The following MEI4 variants were observed in gnomAD, a reference collection of about 807,000 sequenced individuals.
MEI4 encodes the protein meiosis-specific protein MEI4.
A neutral mutation model predicts 31.4 loss-of-function variants in MEI4; 27 were observed. The observed-to-expected ratio is 0.86, with a 90% CI of 0.63 to 1.19. The LOEUF (loss-of-function observed/expected upper bound fraction) is 1.19. Among genes scored for constraint, MEI4 ranks in the 50% most tolerant of loss-of-function variants. The probability of loss-of-function intolerance (pLI) is 0.00; values close to 1 mark genes in which losing one functional copy is unlikely to be tolerated. For synonymous variants in MEI4, 122 were observed against 145.4 expected (o/e 0.84, Z 1.16); for missense variants, 329 against 398.9 (o/e 0.82, Z 1.49).
intron 1 of MEI4, among the ~76,000 whole-genome samples, chr6:77,675,079 A>C (rs1229762234): frequency 1.0e-5 from 1 of 95,996 alleles, no homozygotes; most frequent in East Asian, 2.8e-4. Flanking sequence ...CAGTTACGTA[A>C]TTTATCATTT....
At chr6:77,750,670 G>C (rs773896005) in intron 2 of MEI4, among the ~76,000 whole-genome samples, 8 of 152,030 alleles carry the variant, frequency 5.3e-5, no homozygotes, top group Non-Finnish European at 7.4e-5. Flanking sequence ...CAATAATATT[G>C]GGAGACTTCA....
At chr6:77,922,940 T>G in intron 4 of MEI4, 149 bp from the exon 5 acceptor site, 1 of 422,792 alleles carries the variant, frequency 2.4e-6, no homozygotes, top group Non-Finnish European at 4.0e-6. Context: ...TGTTTTTTAT[T>G]TCCCCCTTGT....
In MEI4 at chr6:77,923,710, G is replaced by C. The variant is rs1478789019; in HGVS notation, c.*364G>C. ...TAATTGATGCTAAATGGTAATCAAA[G>C]AAAGAGATTTTTAAAGAAGTTTAGT... On this transcript the variant is annotated 3_prime_UTR_variant, in exon 5 of 5. Coordinates refer to ENST00000684080, the MANE Select transcript of MEI4 (RefSeq NM_001322247.2). 1 of 90,910 alleles carries C rather than the reference G, an allele frequency of 1.1e-5. No homozygotes were observed. Among genetic ancestry groups the C allele is most frequent in the African/African-American group, 6.2e-5 (1 of 16,098 alleles). The allele number at this position is 90,910 out of a possible 1,614,324, so 5.6% of individuals were successfully genotyped here. A position where few individuals can be genotyped will look rare whatever the true frequency, so the allele number is the denominator to read the frequency against.
intron 4 of MEI4, among the ~76,000 whole-genome samples, chr6:77,885,649 G>C (rs1771601642): frequency 6.6e-6 from 1 of 151,888 alleles, no homozygotes; most frequent in Admixed American, 6.6e-5. Context: ...TTCCAATTTG[G>C]ATACATTTTA....
intron 3 of MEI4, among the ~76,000 whole-genome samples, chr6:77,777,664 T>C (rs1470162600): frequency 2.0e-5 from 3 of 152,196 alleles, no homozygotes; most frequent in African/African-American, 7.2e-5. Context: ...TAGCTTTCAG[T>C]CCTTGCTCTT....
At chr6:77,701,339 T>C (rs1766217391) in intron 2 of MEI4, among the ~76,000 whole-genome samples, 3 of 152,038 alleles carry the variant, frequency 2.0e-5, no homozygotes, top group Admixed American at 2.0e-4. Flanking sequence ...TTGAAGGGTT[T>C]ATGGTGACAA....
intron 4 of MEI4, among the ~76,000 whole-genome samples, chr6:77,901,426 C>A (rs1287288375): frequency 6.6e-6 from 1 of 151,900 alleles, no homozygotes; most frequent in Non-Finnish European, 1.5e-5. Flanking sequence ...GAGGTCATAC[C>A]TCATTGTGGT....
chr6:77,708,154 C>A (rs1766372683), intron 2 of MEI4, among the ~76,000 whole-genome samples: 1 of 152,208 alleles, frequency 6.6e-6, no homozygotes, highest in African/African-American at 2.4e-5. Flanking sequence ...CCTGGAAAAG[C>A]TGCAGGCACT....
chr6:77,791,177 A>G (rs1034022740), intron 3 of MEI4, among the ~76,000 whole-genome samples: 3 of 152,148 alleles, frequency 2.0e-5, no homozygotes, highest in African/African-American at 7.2e-5. Flanking sequence ...CCATCCCATT[A>G]CTGGGTATAT....
chr6:77,862,842 C>G (rs755058261), intron 4 of MEI4, among the ~76,000 whole-genome samples: 21 of 152,266 alleles, frequency 1.4e-4, no homozygotes, highest in Admixed American at 1.4e-3. Context: ...GGCAGACTGA[C>G]ACGTCACATG....
chr6:77,736,501 G>C (rs941335696), intron 2 of MEI4, among the ~76,000 whole-genome samples: 2 of 151,942 alleles, frequency 1.3e-5, no homozygotes, highest in African/African-American at 2.4e-5. Flanking sequence ...GCTTGCGAAC[G>C]GTGCGCGCAC....
chr6:77,766,428 T>A (rs945598518), intron 3 of MEI4, among the ~76,000 whole-genome samples: 15 of 152,170 alleles, frequency 9.9e-5, no homozygotes, highest in Admixed American at 4.6e-4. Flanking sequence ...TTATTTATTT[T>A]TTTGAGACGG....
At chr6:77,695,854 C>T (rs1452222426) in intron 2 of MEI4, among the ~76,000 whole-genome samples, 5 of 152,162 alleles carry the variant, frequency 3.3e-5, no homozygotes, top group African/African-American at 1.2e-4. Flanking sequence ...TTACCTTGGG[C>T]AGTATGGCCA....
chr6:77,706,573 G>A (rs1337119385), intron 2 of MEI4, among the ~76,000 whole-genome samples: 1 of 152,052 alleles, frequency 6.6e-6, no homozygotes, highest in Non-Finnish European at 1.5e-5. Context: ...TGTTGATATG[G>A]TTTAGATGTT....
At chr6:77,758,378 T>C (rs1767964949) in intron 2 of MEI4, among the ~76,000 whole-genome samples, 1 of 152,212 alleles carries the variant, frequency 6.6e-6, no homozygotes, top group South Asian at 2.1e-4. Flanking sequence ...GTTAAATGAA[T>C]AAATTCTAAG....
At chr6:77,730,204 G>A (rs900437265) in intron 2 of MEI4, among the ~76,000 whole-genome samples, 1 of 152,136 alleles carries the variant, frequency 6.6e-6, no homozygotes, top group Non-Finnish European at 1.5e-5. Flanking sequence ...TGAATTGGGT[G>A]TATTGCTGAC....
At chr6:77,910,897 T>C (rs952356771) in intron 4 of MEI4, among the ~76,000 whole-genome samples, 4 of 150,984 alleles carry the variant, frequency 2.6e-5, no homozygotes, top group Non-Finnish European at 5.9e-5. Flanking sequence ...TAAACATTCC[T>C]TTTTATCCAC....
intron 2 of MEI4, among the ~76,000 whole-genome samples, chr6:77,746,315 G>T (rs1021310167): frequency 6.6e-6 from 1 of 152,148 alleles, no homozygotes; most frequent in African/African-American, 2.4e-5. Context: ...ATTTGAACTG[G>T]TAGGCTGAGT....
intron 2 of MEI4, among the ~76,000 whole-genome samples, chr6:77,703,458 A>C (rs952565414): frequency 6.6e-6 from 1 of 152,222 alleles, no homozygotes; most frequent in Non-Finnish European, 1.5e-5. Context: ...AACCATTCAC[A>C]GTACTTTTGC....
Sources: gnomAD v4.1 joint callset for allele counts (sites outside exome capture counted in the v4.1 genomes callset) on GRCh38, gnomAD v4.1.1 for gene constraint, MANE v1.5 for transcripts, NCBI Gene and HGNC (gene_info 2026-07-23, HGNC 2026-07-21) for gene names.